Variants in ELL observed in about 807,000 individuals in gnomAD.
The protein encoded by ELL is elongation factor for RNA polymerase II.
In ELL, 18 loss-of-function variants were observed where a neutral mutation model predicts 64.0. That is an observed-to-expected ratio of 0.28 (90% CI 0.19 to 0.42). ELL has a LOEUF of 0.42. Among genes scored for constraint, ELL ranks in the 10% least tolerant of loss-of-function variants. ELL has a pLI of 1.00. For synonymous variants in ELL, 399 were observed against 376.2 expected (o/e 1.06, Z -0.70); for missense variants, 797 against 870.4 (o/e 0.92, Z 1.06).
Position 18,485,527 on chromosome 19 carries a change from G to GCCAGGGAGA in ELL, c.136-12654_136-12646dup, listed in dbSNP as rs201997238. Reference sequence around the variant, plus strand: ...CTATGGGAGCCCATCTCCTCCCAGGGCCAGGGAGACCAGGGAGACCAGGGA... The same window carrying GCCAGGGAGA: ...CTATGGGAGCCCATCTCCTCCCAGGGCCAGGGAGACCAGGGAGACCAGGGAGACCAGGGA... On this transcript the variant is annotated intron_variant, in intron 1 of 11. Transcript: ENST00000262809. Among the ~76,000 whole-genome samples, 59 of 152,220 alleles carry GCCAGGGAGA rather than the reference G, an allele frequency of 3.9e-4. No individual in the cohort carries two copies. The South Asian group carries it at 6.2e-3, about 16-fold the overall frequency.
chr19:18,492,266 T>G (rs986963565), intron 1 of ELL, among the ~76,000 whole-genome samples: 3 of 152,228 alleles, frequency 2.0e-5, no homozygotes, highest in African/African-American at 7.2e-5. Flanking sequence ...ATGGTGACGC[T>G]GCTTACAGAG....
At chr19:18,485,158 G>A (rs1568389916) in intron 1 of ELL, among the ~76,000 whole-genome samples, 1 of 152,118 alleles carries the variant, frequency 6.6e-6, no homozygotes, top group Non-Finnish European at 1.5e-5. Flanking sequence ...TCCTGCTCAG[G>A]CAGCTAGGAG....
intron 1 of ELL, 111 bp downstream of exon 1, chr19:18,521,810 G>A (rs1976285852): frequency 1.4e-6 from 2 of 1,387,320 alleles, no homozygotes; most frequent in East Asian, 2.9e-5. Context: ...GGACCCGCGA[G>A]CAGCACCACA....
At chr19:18,450,368 C>A in intron 8 of ELL, 109 bp downstream of exon 8, 2 of 1,493,276 alleles carry the variant, frequency 1.3e-6, no homozygotes, top group Non-Finnish European at 8.9e-7. Context: ...CAACAGGGTC[C>A]CCTCCCCTGG....
At chr19:18,509,593 G>GCGCGCGCGCGCA (rs1438642062) in intron 1 of ELL, among the ~76,000 whole-genome samples, 18 of 83,270 alleles carry the variant, frequency 2.2e-4, no homozygotes, top group East Asian at 1.2e-3. Context: ...GCGCGCGCGC[G>GCGCGCGCGCGCA]CACATACACA....
Position 18,465,575 on chromosome 19 carries a change from A to T in ELL, c.306T>A (p.Ser102Arg). ...SFDCIQQYVS[S>R]HGEVHLDCLG... ...GGCAGTCCAGGTGAACTTCCCCATG[A>T]CTGCAAGACAAGGCCAGGAGCTGGG... Residue 102 changes from serine (S) to arginine (R), a missense_variant and splice_region_variant, in exon 4 of 12, where the codon AGT becomes AGA. Ser to Arg is a moderately radical substitution (Grantham distance 110). Coordinates refer to ENST00000262809, the MANE Select transcript of ELL (RefSeq NM_006532.4). 6.3e-7 allele frequency: 1 copy of T among 1,583,470 alleles called. No homozygotes were observed. The highest frequency in any genetic ancestry group is 1.1e-5 in the South Asian group (1 of 89,294).
In ELL at chr19:18,444,162, A is replaced by G. The variant is rs1043327; in HGVS notation, c.*590T>C. The G allele has an allele frequency of 0.43, 98,433 of 229,760 alleles. 24,416 individuals carry two copies. The highest frequency in any genetic ancestry group is 0.76 in the African/African-American group (34,188 of 45,136). 14.2% of individuals were successfully genotyped at this position (229,760 alleles called of 1,614,324 possible). ...GCTTGCTGGAGCAGAGACCCTGCCCAAGGAGGAGAGGCTGGGGAAAGGGGT... is the reference window on the plus strand; with the variant it reads ...GCTTGCTGGAGCAGAGACCCTGCCCGAGGAGGAGAGGCTGGGGAAAGGGGT... On this transcript the variant is annotated 3_prime_UTR_variant, in exon 12 of 12. Coordinates refer to ENST00000262809, the MANE Select transcript of ELL (RefSeq NM_006532.4).
Position 18,446,456 on chromosome 19 carries a change from C to G in ELL, c.1557G>C (p.Ser519=), listed in dbSNP as rs144942412. ...CGTTCTTGTAGCTCTGGCGCTGCTC[C>G]GAAGAGGAGATGGCTGCGTACTTCC... ...YLLKYAAISS[S]EQRQSYKNDF... Residue 519 remains serine, a synonymous_variant, in exon 10 of 12, where the codon TCG becomes TCC. Coordinates refer to ENST00000262809, the MANE Select transcript of ELL (RefSeq NM_006532.4). The G allele has an allele frequency of 1.2e-6, 2 of 1,612,658 alleles. No individual in the cohort carries two copies. The highest frequency in any genetic ancestry group is 1.1e-5 in the South Asian group (1 of 90,892).
At chr19:18,476,540 G>C (rs1357155608) in intron 1 of ELL, among the ~76,000 whole-genome samples, 3 of 149,866 alleles carry the variant, frequency 2.0e-5, no homozygotes, top group Non-Finnish European at 1.5e-5. Context: ...ACCAGGTTCT[G>C]GTAGCTGACT....
At chr19:18,485,822 T>TA (rs1197372357) in intron 1 of ELL, among the ~76,000 whole-genome samples, 2 of 151,848 alleles carry the variant, frequency 1.3e-5, no homozygotes, top group Non-Finnish European at 2.9e-5. Context: ...CCATCTCTAC[T>TA]AAAAATACAA....
chr19:18,457,188 C>T (rs960897960), intron 6 of ELL, among the ~76,000 whole-genome samples: 1 of 152,142 alleles, frequency 6.6e-6, no homozygotes, highest in Admixed American at 6.5e-5. Flanking sequence ...GAGCTGGAGG[C>T]GGCTCTGGAG....
chr19:18,497,384 T>C (rs183569923), intron 1 of ELL, among the ~76,000 whole-genome samples: 28 of 151,882 alleles, frequency 1.8e-4, no homozygotes, highest in Admixed American at 1.4e-3. Flanking sequence ...AGGGGATGAG[T>C]AGGTAGAGCT....
Position 18,445,204 on chromosome 19 carries a change from C to T in ELL, c.1749+20G>A. The T allele has an allele frequency of 1.2e-6, 2 of 1,614,072 alleles. No homozygotes were observed. Among genetic ancestry groups the T allele is most frequent in the Middle Eastern group, 1.6e-4 (1 of 6,062 alleles). On this transcript the variant is annotated intron_variant, in intron 11 of 11. Coordinates refer to ENST00000262809, the MANE Select transcript of ELL (RefSeq NM_006532.4). ...TCCCATGGCTCACTTGGAGCCCACC[C>T]CAACACAAGAGACACTCACCTTTTT...
At position 18,484,186 on chromosome 19, in the gene ELL, C is replaced by T. The variant is rs562943337; in HGVS notation, c.136-11304G>A. Among the ~76,000 whole-genome samples the T allele has an allele frequency of 7.2e-5, 11 of 152,312 alleles. No individual in the cohort carries two copies. The South Asian group carries it at 1.4e-3, about 20-fold the overall frequency. ...CACAGAATCCCGTTTGGCAGCCAGA[C>T]GCTGTGGTGGCTCACGCCTGTAATC... On this transcript the variant is annotated intron_variant, in intron 1 of 11. Coordinates refer to ENST00000262809, the MANE Select transcript of ELL (RefSeq NM_006532.4).
At chr19:18,482,943 T>A (rs1975336474) in intron 1 of ELL, among the ~76,000 whole-genome samples, 1 of 151,972 alleles carries the variant, frequency 6.6e-6, no homozygotes, top group African/African-American at 2.4e-5. Context: ...CCAGCTACGT[T>A]GTTTTTTTAA....
In ELL at chr19:18,481,762, G is replaced by A. The variant is rs144578586; in HGVS notation, c.136-8880C>T. Reference sequence around the variant, plus strand: ...CTTCCCGTGCATCCATTTGCTGGATGAAGGACACAGGTTGTTTCCAGTCTG... The same window carrying A: ...CTTCCCGTGCATCCATTTGCTGGATAAAGGACACAGGTTGTTTCCAGTCTG... On this transcript the variant is annotated intron_variant, in intron 1 of 11. Transcript: ENST00000262809. 2.6e-5 allele frequency among the ~76,000 whole-genome samples: 4 copies of A among 152,344 alleles called. No homozygotes were observed. The East Asian group carries it at 7.7e-4, about 29-fold the overall frequency.
intron 2 of ELL, among the ~76,000 whole-genome samples, chr19:18,466,247 A>T (rs932721251): frequency 1.3e-5 from 2 of 152,170 alleles, no homozygotes; most frequent in Non-Finnish European, 2.9e-5. Flanking sequence ...TGACCCCTGG[A>T]AAGTGGTTTG....
intron 1 of ELL, among the ~76,000 whole-genome samples, chr19:18,495,105 G>A (rs967982026): frequency 6.6e-6 from 1 of 152,218 alleles, no homozygotes; most frequent in Non-Finnish European, 1.5e-5. Flanking sequence ...GGGCACAAAT[G>A]TTGGAGTAGA....
rs1225508323 is a variant in ELL at position 18,444,588 on chromosome 19, C to T, written c.*164G>A. ...GAAGCGCAGGGAGGGCCGAGGTGGGCTTGCAGCCACCCGCCAGGGCCAGAC... is the reference window on the plus strand; with the variant it reads ...GAAGCGCAGGGAGGGCCGAGGTGGGTTTGCAGCCACCCGCCAGGGCCAGAC... On this transcript the variant is annotated 3_prime_UTR_variant, in exon 12 of 12. Transcript: ENST00000262809. 1.4e-6 allele frequency: 1 copy of T among 692,760 alleles called. No individual in the cohort carries two copies. Among genetic ancestry groups the T allele is most frequent in the South Asian group, 2.0e-5 (1 of 51,260 alleles). 42.9% of individuals were successfully genotyped at this position (692,760 alleles called of 1,614,324 possible). A position where few individuals can be genotyped will look rare whatever the true frequency, so the allele number is the denominator to read the frequency against.
Sources: gnomAD v4.1 joint callset for allele counts (sites outside exome capture counted in the v4.1 genomes callset) on GRCh38, gnomAD v4.1.1 for gene constraint, MANE v1.5 for transcripts, NCBI Gene and HGNC (gene_info 2026-07-23, HGNC 2026-07-21) for gene names.